The following PPP2R2C variants were observed in gnomAD, a reference collection of about 807,000 sequenced individuals.
The protein encoded by PPP2R2C is protein phosphatase 2, regulatory subunit B, gamma.
PPP2R2C carries 10 observed loss-of-function variants against 45.3 expected under a neutral mutation model. That is an observed-to-expected ratio of 0.22 (90% CI 0.14 to 0.37). The LOEUF is 0.37. Among genes scored for constraint, PPP2R2C ranks in the 10% least tolerant of loss-of-function variants. The pLI is 1.00. For missense variants in PPP2R2C, 308 were observed against 619.7 expected, an observed-to-expected ratio of 0.50 and a Z score of 5.34; for synonymous variants, 257 against 245.4, an observed-to-expected ratio of 1.05 and a Z score of -0.44.
At position 6,450,891 on chromosome 4, in the gene PPP2R2C, C is replaced by T. The variant is rs116257805; in HGVS notation, c.70+21269G>A. Among the ~76,000 whole-genome samples the T allele has an allele frequency of 7.5e-3, 1,136 of 152,252 alleles. 9 individuals are homozygous for T. The highest frequency in any genetic ancestry group is 0.026 in the African/African-American group (1,091 of 41,544). ...CTTGCTCACGTGGGAAGCCGCTGTG[C>T]CCTTCCCACACCTCCATCGGCGGAC... On this transcript the variant is annotated intron_variant, in intron 1 of 8. Transcript: ENST00000382599.
chr4:6,535,968 T>C lies in PPP2R2C; in HGVS notation c.-58-591A>G, dbSNP rs146672140. On this transcript the variant is annotated intron_variant, in intron 1 of 9. Coordinates refer to the PPP2R2C transcript ENST00000506140. ...CCCACGCTGCAGTCCACTGAACTAA[T>C]ACTTACCTTGAGGTTGCTTGGCTGC... Among the ~76,000 whole-genome samples, 1,078 of 152,312 alleles carry C rather than the reference T, an allele frequency of 7.1e-3. 6 individuals are homozygous for C. The highest frequency in any genetic ancestry group is 0.012 in the Non-Finnish European group (800 of 68,030).
At chr4:6,446,226 C>A (rs1453646994) in intron 1 of PPP2R2C, among the ~76,000 whole-genome samples, 1 of 152,216 alleles carries the variant, frequency 6.6e-6, no homozygotes, top group East Asian at 1.9e-4. Context: ...GCTGCCCCTG[C>A]AGCGTCGTCA....
At chr4:6,494,460 G>C (rs1345830572) in intron 2 of PPP2R2C, among the ~76,000 whole-genome samples, 1 of 152,328 alleles carries the variant, frequency 6.6e-6, no homozygotes, top group East Asian at 1.9e-4. Context: ...CCCTCAAAGA[G>C]CTTGCATCCT....
Position 6,487,306 on chromosome 4 carries a change from T to C in PPP2R2C, c.49+47965A>G, listed in dbSNP as rs559930561. Among the ~76,000 whole-genome samples, 3 of 152,034 alleles carry C rather than the reference T, an allele frequency of 2.0e-5. No individual in the cohort carries two copies. In the South Asian group the frequency reaches 6.2e-4, roughly 32 times the overall value. On this transcript the variant is annotated intron_variant, in intron 2 of 9. Coordinates refer to the PPP2R2C transcript ENST00000506140. ...ACCTATGTAGTTACTACTCTGCTCT[T>C]TGATCCTTTGCATAGATCCATATTT... is the stretch of plus-strand genomic sequence containing the variant.
chr4:6,445,603 C>G (rs1011309147), intron 1 of PPP2R2C, among the ~76,000 whole-genome samples: 10 of 152,226 alleles, frequency 6.6e-5, no homozygotes, highest in African/African-American at 2.4e-4. Context: ...CCTGTAATGC[C>G]AGCACTCTGG....
Position 6,330,557 on chromosome 4 carries a change from G to T in PPP2R2C, c.961-1204C>A, listed in dbSNP as rs1434443946. Among the ~76,000 whole-genome samples the T allele has an allele frequency of 2.0e-5, 3 of 152,120 alleles. No individual in the cohort carries two copies. In the South Asian group the frequency reaches 6.2e-4, roughly 32 times the overall value. ...AGACAGACCTCCCTGAGGACCGGGG[G>T]ATTCCGCTAACAGATGCGTGTGGGC... On this transcript the variant is annotated intron_variant, in intron 7 of 8. Transcript: ENST00000382599. The surrounding 1 kb of genome is among the most constrained non-coding windows in gnomAD (Gnocchi z 7.0).
chr4:6,407,107 C>T (rs11946327), intron 1 of PPP2R2C, among the ~76,000 whole-genome samples: 45,055 of 152,052 alleles, frequency 0.3, 8,439 homozygotes, highest in African/African-American at 0.5. Flanking sequence ...CGTAGGCCTA[C>T]GGACACCATG....
intron 1 of PPP2R2C, among the ~76,000 whole-genome samples, chr4:6,549,290 T>C (rs1445505897): frequency 6.6e-6 from 1 of 150,412 alleles, no homozygotes; most frequent in African/African-American, 2.4e-5. Flanking sequence ...TCCCACTCTC[T>C]GCTTTGGCCA....
At chr4:6,448,014 A>G (rs1417141741) in intron 1 of PPP2R2C, among the ~76,000 whole-genome samples, 2 of 152,168 alleles carry the variant, frequency 1.3e-5, no homozygotes, top group African/African-American at 4.8e-5. Flanking sequence ...TAGGAGGAGC[A>G]GAGGCTCCTG....
At chr4:6,421,047 C>T (rs935297470) in intron 1 of PPP2R2C, 13 of 985,038 alleles carry the variant, frequency 1.3e-5, no homozygotes, top group Non-Finnish European at 1.6e-5. Context: ...TTGTGTGCAC[C>T]CTTCTTCCTA....
chr4:6,480,233 C>T (rs1222272254), intron 2 of PPP2R2C, among the ~76,000 whole-genome samples: 1 of 152,190 alleles, frequency 6.6e-6, no homozygotes, highest in Non-Finnish European at 1.5e-5. Flanking sequence ...ATATTGATCA[C>T]ACCATACTAC....
intron 2 of PPP2R2C, among the ~76,000 whole-genome samples, chr4:6,520,178 C>T (rs1030834656): frequency 6.6e-6 from 1 of 151,862 alleles, no homozygotes; most frequent in African/African-American, 2.4e-5. Flanking sequence ...TGAGAGGGGT[C>T]CTAAGAACCT....
At chr4:6,343,149 T>C (rs546322326) in intron 6 of PPP2R2C, among the ~76,000 whole-genome samples, 2 of 152,310 alleles carry the variant, frequency 1.3e-5, no homozygotes, top group South Asian at 2.1e-4. Context: ...CACCTGCTAA[T>C]TGGAAAGCGG....
chr4:6,405,233 A>G (rs1717717372), intron 1 of PPP2R2C, among the ~76,000 whole-genome samples: 1 of 152,184 alleles, frequency 6.6e-6, no homozygotes, highest in Admixed American at 6.5e-5. Flanking sequence ...CGGGTTCCCC[A>G]GGTCGCAGAA....
At chr4:6,561,425 G>A (rs1260517711) in intron 1 of PPP2R2C, among the ~76,000 whole-genome samples, 1 of 151,860 alleles carries the variant, frequency 6.6e-6, no homozygotes, top group African/African-American at 2.4e-5. Context: ...TTTTCATTTT[G>A]CACTGAGCCC....
intron 1 of PPP2R2C, among the ~76,000 whole-genome samples, chr4:6,451,295 C>A (rs1720720563): frequency 6.6e-6 from 1 of 152,216 alleles, no homozygotes; most frequent in Non-Finnish European, 1.5e-5. Context: ...TGCGACCCTG[C>A]CAACACTCCA....
intron 2 of PPP2R2C, among the ~76,000 whole-genome samples, chr4:6,528,459 CAG>C (rs1724286551): frequency 6.6e-6 from 1 of 152,216 alleles, no homozygotes; most frequent in Admixed American, 6.5e-5. Flanking sequence ...CATGAATCAT[CAG>C]AGAGCGTTCC....
intron 2 of PPP2R2C, among the ~76,000 whole-genome samples, chr4:6,484,953 G>A (rs867515748): frequency 2.6e-5 from 4 of 151,900 alleles, no homozygotes; most frequent in Non-Finnish European, 4.4e-5. Flanking sequence ...ATAACGTCGA[G>A]AAGAATGTGT....
chr4:6,440,279 A>C (rs1472927732), intron 1 of PPP2R2C, among the ~76,000 whole-genome samples: 1 of 152,192 alleles, frequency 6.6e-6, no homozygotes, highest in Non-Finnish European at 1.5e-5. Flanking sequence ...GCATGAATTC[A>C]TTTTCTATTT....
Sources: allele counts gnomAD v4.1 joint callset (sites outside exome capture counted in the v4.1 genomes callset), GRCh38; gene constraint gnomAD v4.1.1; non-coding constraint Gnocchi (gnomAD v3.1); transcripts MANE v1.5; gene names NCBI Gene and HGNC (gene_info 2026-07-23, HGNC 2026-07-21).